WAPL: variants seen among roughly 807,000 people sequenced by gnomAD.
The protein encoded by WAPL is wings apart-like protein homolog.
WAPL carries 5 observed loss-of-function variants against 121.0 expected under a neutral mutation model. The ratio of observed to expected loss-of-function variants is 0.04; its 90% CI spans 0.02 to 0.09. The LOEUF is 0.09. WAPL is among the 10% of genes least tolerant of loss of function. WAPL has a pLI of 1.00. For missense variants in WAPL, 999 were observed against 1,410.8 expected (o/e 0.71, Z 4.68); for synonymous variants, 480 against 481.5 (o/e 1.00, Z 0.04).
chr10:86,442,541 C>T (rs10788507), intron 17 of WAPL, among the ~76,000 whole-genome samples: 132,983 of 152,158 alleles, frequency 0.87, 58,569 homozygotes, highest in Non-Finnish European at 0.92. Context: ...CTCTGACAGG[C>T]ACATCCTTCC....
At chr10:86,502,983 C>T (rs2132223315) in intron 2 of WAPL, among the ~76,000 whole-genome samples, 2 of 151,300 alleles carry the variant, frequency 1.3e-5, no homozygotes, top group Middle Eastern at 6.9e-3. Context: ...CATGGTGAAA[C>T]CCTGTCTCTA....
At chr10:86,462,262 C>T (rs1589505494) in intron 9 of WAPL, among the ~76,000 whole-genome samples, 1 of 152,128 alleles carries the variant, frequency 6.6e-6, no homozygotes, top group Admixed American at 6.5e-5. Context: ...TAAGTTTCTC[C>T]CCTTCAAAAG....
At chr10:86,509,540 T>C (rs543385697) in intron 2 of WAPL, among the ~76,000 whole-genome samples, 1 of 152,316 alleles carries the variant, frequency 6.6e-6, no homozygotes, top group Admixed American at 6.5e-5. Context: ...CACTTGTGAT[T>C]GTTTATTCTA....
chr10:86,486,413 G>T lies in WAPL; in HGVS notation c.1644+10788C>A, dbSNP rs540487354. 1.5e-3 allele frequency among the ~76,000 whole-genome samples: 227 copies of T among 152,248 alleles called. 1 individual carries two copies. The highest frequency in any genetic ancestry group is 7.7e-4 in the East Asian group (4 of 5,180). ...AAACTCATTTTATAAAACAAAAAAT[G>T]AAGTTTATCAAAGTATAAAGCTATA... is the stretch of plus-strand genomic sequence containing the variant. On this transcript the variant is annotated intron_variant, in intron 4 of 18. Transcript: ENST00000298767.
chr10:86,511,944 A>T (rs73335600), intron 2 of WAPL, among the ~76,000 whole-genome samples: 6 of 152,082 alleles, frequency 3.9e-5, no homozygotes, highest in Admixed American at 1.3e-4. Flanking sequence ...AAAATAAAAA[A>T]AGAAATAATA....
chr10:86,514,592 C>CA (rs753063488), intron 2 of WAPL, among the ~76,000 whole-genome samples: 15 of 152,152 alleles, frequency 9.9e-5, no homozygotes, highest in South Asian at 2.1e-4. Context: ...AGTTTGGACT[C>CA]AGAGTCAGTC....
At position 86,521,602 on chromosome 10, in the gene WAPL, G is replaced by A; in HGVS notation, c.-260C>T. The A allele has an allele frequency of 2.2e-6, 1 of 453,426 alleles. No individual in the cohort carries two copies. The highest frequency in any genetic ancestry group is 2.4e-5 in the Admixed American group (1 of 41,028). The allele number at this position is 453,426 out of a possible 1,614,324, so 28.1% of individuals were successfully genotyped here. ...CCGGCCGGGCCCAGGCCTAGCTCTC[G>A]CTGGCCGCCACTGCTGGAGCTGGTA... On this transcript the variant is annotated 5_prime_UTR_variant, in exon 1 of 19. Coordinates refer to ENST00000298767, the MANE Select transcript of WAPL (RefSeq NM_015045.5).
chr10:86,438,956 G>A lies in WAPL; in HGVS notation c.3412-941C>T, dbSNP rs150626828. Among the ~76,000 whole-genome samples the A allele has an allele frequency of 6.4e-4, 98 of 152,146 alleles. No individual in the cohort carries two copies. The Middle Eastern group carries it at 0.017, about 26-fold the overall frequency. ...TTAAAGAATGCTTTAAATGTTTTACGGAGAATAAAAAGAAAAAATCTTTTA... is the reference window on the plus strand; with the variant it reads ...TTAAAGAATGCTTTAAATGTTTTACAGAGAATAAAAAGAAAAAATCTTTTA... On this transcript the variant is annotated intron_variant, in intron 17 of 18. Coordinates refer to ENST00000298767, the MANE Select transcript of WAPL (RefSeq NM_015045.5).
At chr10:86,439,828 C>G (rs937577439) in intron 17 of WAPL, among the ~76,000 whole-genome samples, 3 of 152,224 alleles carry the variant, frequency 2.0e-5, no homozygotes, top group Non-Finnish European at 2.9e-5. Flanking sequence ...AGTGAGGAGA[C>G]TGACCACTGC....
intron 9 of WAPL, among the ~76,000 whole-genome samples, chr10:86,464,797 C>T (rs1841362498): frequency 6.6e-6 from 1 of 152,234 alleles, no homozygotes; most frequent in South Asian, 2.1e-4. Context: ...GATCACACCA[C>T]TGCACTCCGG....
At chr10:86,444,427 C>T (rs1389729995) in intron 16 of WAPL, among the ~76,000 whole-genome samples, 1 of 152,196 alleles carries the variant, frequency 6.6e-6, no homozygotes, top group Non-Finnish European at 1.5e-5. Context: ...GCAGAAACCA[C>T]TCAAATGTCC....
At chr10:86,514,610 T>A (rs979036164) in intron 2 of WAPL, among the ~76,000 whole-genome samples, 1 of 152,180 alleles carries the variant, frequency 6.6e-6, no homozygotes, top group Non-Finnish European at 1.5e-5. Context: ...GTCCACAGTA[T>A]CAGCATTAGA....
Position 86,460,461 on chromosome 10 carries a change from C to A in WAPL, c.2518G>T (p.Asp840Tyr). The A allele has an allele frequency of 6.2e-7, 1 of 1,613,564 alleles. No individual in the cohort carries two copies. Among genetic ancestry groups the A allele is most frequent in the East Asian group, 2.2e-5 (1 of 44,832 alleles). Residue 840 changes from aspartate (D) to tyrosine (Y), a missense_variant, in exon 11 of 19, where the codon GAT becomes TAT. Physicochemically the swap from Asp to Tyr is radical, Grantham distance 160. Around this residue, in one of 7 missense-constraint regions of WAPL, gnomAD observed 118 missense variants for 318.3 expected, o/e 0.37. Transcript: ENST00000298767. ...AGTGAGGCTACCAGTTTCTCTTCAT[C>A]CTCATCTCTACTTAAATGATCCACA... is the stretch of plus-strand genomic sequence containing the variant. The part of the protein sequence containing the change: ...ECVDHLSRDE[D>Y]EEKLVASLWG...
At chr10:86,475,057 T>A (rs1255176753) in intron 4 of WAPL, among the ~76,000 whole-genome samples, 1 of 152,200 alleles carries the variant, frequency 6.6e-6, no homozygotes, top group Non-Finnish European at 1.5e-5. Flanking sequence ...GTAAAGTCCC[T>A]CACACATCAA....
intron 10 of WAPL, 66 bp downstream of exon 10, chr10:86,461,110 G>T: frequency 1.7e-6 from 2 of 1,205,250 alleles, no homozygotes; most frequent in Non-Finnish European, 2.4e-6. Flanking sequence ...TTTGAAGTAC[G>T]TCAATGGAGT....
At chr10:86,486,244 A>G (rs1287710672) in intron 4 of WAPL, among the ~76,000 whole-genome samples, 2 of 152,238 alleles carry the variant, frequency 1.3e-5, no homozygotes, top group Admixed American at 1.3e-4. Flanking sequence ...ACAGAAAAAT[A>G]TGCTATTTCA....
intron 9 of WAPL, among the ~76,000 whole-genome samples, chr10:86,465,027 A>G (rs1841367355): frequency 6.6e-6 from 1 of 152,218 alleles, no homozygotes; most frequent in African/African-American, 2.4e-5. Flanking sequence ...ATCCTCCACC[A>G]TAACCAGAAT....
Position 86,499,611 on chromosome 10 carries a change from C to A in WAPL, c.1525+107G>T, listed in dbSNP as rs893272694. 41 of 1,133,608 alleles carry A rather than the reference C, an allele frequency of 3.6e-5. No homozygotes were observed. In the East Asian group the frequency reaches 8.3e-4, roughly 23 times the overall value. 70.2% of individuals were successfully genotyped at this position (1,133,608 alleles called of 1,614,324 possible). ...TCTTTATCTTATTATACTGTACTCA[C>A]CTCTTTTCAGAATATGGTTGACCTT... On this transcript the variant is annotated intron_variant, in intron 3 of 18. Coordinates refer to ENST00000298767, the MANE Select transcript of WAPL (RefSeq NM_015045.5).
intron 3 of WAPL, among the ~76,000 whole-genome samples, chr10:86,498,073 G>A (rs1842183766): frequency 6.6e-6 from 1 of 152,138 alleles, no homozygotes; most frequent in African/African-American, 2.4e-5. Flanking sequence ...ATTTTCAAAT[G>A]TTATTTAGCA....
Sources: gnomAD v4.1 joint callset for allele counts (sites outside exome capture counted in the v4.1 genomes callset) on GRCh38, gnomAD v4.1.1 for gene constraint, gnomAD v4.1.1 regional missense constraint, MANE v1.5 for transcripts, NCBI Gene and HGNC (gene_info 2026-07-23, HGNC 2026-07-21) for gene names.